The following CACNA2D1 variants were observed in gnomAD, a reference collection of about 807,000 sequenced individuals.
CACNA2D1 encodes the protein voltage-dependent calcium channel subunit alpha-2/delta-1.
A neutral mutation model predicts 171.5 loss-of-function variants in CACNA2D1; 53 were observed. The observed-to-expected ratio is 0.31, with a 90% CI of 0.25 to 0.39. The LOEUF (loss-of-function observed/expected upper bound fraction) is 0.39, where lower values mean the gene tolerates loss of function less well. Ranked by LOEUF, CACNA2D1 falls within the 10% of genes least tolerant of loss-of-function variation. The pLI is 1.00. For synonymous variants in CACNA2D1, 442 were observed against 443.1 expected, an observed-to-expected ratio of 1.00 and a Z score of 0.03; for missense variants, 903 against 1,299.8, an observed-to-expected ratio of 0.69 and a Z score of 4.69.
chr7:82,171,823 G>A (rs963536796), intron 3 of CACNA2D1, among the ~76,000 whole-genome samples: 2 of 152,028 alleles, frequency 1.3e-5, no homozygotes, highest in African/African-American at 4.8e-5. Flanking sequence ...TATCAGGTTA[G>A]GTTTAAAAAA....
chr7:82,063,391 G>T (rs759979819), intron 9 of CACNA2D1, among the ~76,000 whole-genome samples: 2 of 151,998 alleles, frequency 1.3e-5, no homozygotes, highest in Non-Finnish European at 2.9e-5. Context: ...TACATTTGTT[G>T]AATTCATTTA....
At chr7:81,977,260 AGG>A (rs1229840831) in intron 24 of CACNA2D1, among the ~76,000 whole-genome samples, 1 of 152,120 alleles carries the variant, frequency 6.6e-6, no homozygotes, top group South Asian at 2.1e-4. Context: ...TTTAGCATGA[AGG>A]GGTGCTGAAT....
intron 6 of CACNA2D1, among the ~76,000 whole-genome samples, chr7:82,091,020 C>G (rs1369634624): frequency 6.6e-6 from 1 of 152,096 alleles, no homozygotes; most frequent in South Asian, 2.1e-4. Context: ...TTCACCAACC[C>G]TAATCTCTGA....
At position 81,964,125 on chromosome 7, in the gene CACNA2D1, TAAG is replaced by T. The variant is rs1274551139; in HGVS notation, c.2728-20_2728-18del. On this transcript the variant is annotated intron_variant, in intron 33 of 38. Coordinates refer to ENST00000356860, the MANE Select transcript of CACNA2D1 (RefSeq NM_000722.4). Reference sequence around the variant, plus strand: ...TACTGATGGCTATAAAATAAAATAATAAGGTCATTTCAGTAGTCTACTTGATAC... The same window carrying T: ...TACTGATGGCTATAAAATAAAATAATGTCATTTCAGTAGTCTACTTGATAC... 1.2e-6 allele frequency: 2 copies of T among 1,611,984 alleles called. No homozygotes were observed. The highest frequency in any genetic ancestry group is 1.7e-5 in the Admixed American group (1 of 59,790).
chr7:82,407,502 G>C (rs1827185186), intron 1 of CACNA2D1, among the ~76,000 whole-genome samples: 1 of 152,042 alleles, frequency 6.6e-6, no homozygotes, highest in African/African-American at 2.4e-5. Context: ...AGCAATGCTT[G>C]CTAAAATTTT....
At chr7:82,229,286 C>T (rs1395772173) in intron 3 of CACNA2D1, among the ~76,000 whole-genome samples, 2 of 152,044 alleles carry the variant, frequency 1.3e-5, no homozygotes, top group African/African-American at 4.8e-5. Flanking sequence ...AAACGCAAGG[C>T]CCTTTCAGAG....
At chr7:82,185,010 G>T (rs28431135) in intron 3 of CACNA2D1, among the ~76,000 whole-genome samples, 3,365 of 152,196 alleles carry the variant, frequency 0.022, 96 homozygotes, top group African/African-American at 0.071. Context: ...GGACCAGCTG[G>T]AATTTAAATA....
intron 5 of CACNA2D1, among the ~76,000 whole-genome samples, chr7:82,126,277 G>A (rs1790323859): frequency 6.6e-6 from 1 of 152,108 alleles, no homozygotes; most frequent in African/African-American, 2.4e-5. Context: ...AAGGCATACA[G>A]CAATTGTACA....
chr7:82,007,104 T>C (rs1204869426), intron 16 of CACNA2D1, among the ~76,000 whole-genome samples: 1 of 152,140 alleles, frequency 6.6e-6, no homozygotes, highest in East Asian at 1.9e-4. Context: ...AACTTTTAAA[T>C]AGGCATTTTA....
At chr7:82,128,009 G>A (rs1029573) in intron 5 of CACNA2D1, among the ~76,000 whole-genome samples, 26,122 of 151,866 alleles carry the variant, frequency 0.17, 2,560 homozygotes, top group East Asian at 0.34. Flanking sequence ...CTGCAGCCCC[G>A]ACCTACTGGG....
intron 12 of CACNA2D1, among the ~76,000 whole-genome samples, chr7:82,030,750 A>G (rs1802589916): frequency 6.6e-6 from 1 of 151,928 alleles, no homozygotes; most frequent in African/African-American, 2.4e-5. Context: ...AAAATAGTAT[A>G]CTTAAAATTA....
chr7:82,081,889 C>T (rs1283188755), intron 7 of CACNA2D1, among the ~76,000 whole-genome samples: 2 of 148,548 alleles, frequency 1.3e-5, no homozygotes, highest in Non-Finnish European at 2.9e-5. Flanking sequence ...AGGCTCCGGT[C>T]CGCCATTCCA....
intron 1 of CACNA2D1, among the ~76,000 whole-genome samples, chr7:82,432,256 G>C (rs1018741748): frequency 2.6e-5 from 4 of 152,100 alleles, no homozygotes; most frequent in Non-Finnish European, 5.9e-5. Context: ...GAAATAAATA[G>C]CCCACCCTAA....
intron 6 of CACNA2D1, among the ~76,000 whole-genome samples, chr7:82,093,586 G>A (rs933483163): frequency 1.3e-5 from 2 of 151,912 alleles, no homozygotes; most frequent in African/African-American, 2.4e-5. Flanking sequence ...CATTTCAATT[G>A]CTATAAGACA....
intron 7 of CACNA2D1, 127 bp from the exon 8 acceptor site, chr7:82,066,651 G>A (rs1807664967): frequency 7.4e-7 from 1 of 1,358,526 alleles, no homozygotes; most frequent in Non-Finnish European, 9.8e-7. Context: ...ATGTTCAAAT[G>A]AGAGATATCA....
intron 20 of CACNA2D1, among the ~76,000 whole-genome samples, chr7:81,992,657 AG>A (rs1218384844): frequency 6.6e-6 from 1 of 152,246 alleles, no homozygotes; most frequent in African/African-American, 2.4e-5. Flanking sequence ...TTTCAATATC[AG>A]TAGCAGAAAT....
At chr7:82,443,108 G>C (rs1368044058) in intron 1 of CACNA2D1, among the ~76,000 whole-genome samples, 1 of 152,140 alleles carries the variant, frequency 6.6e-6, no homozygotes, top group Non-Finnish European at 1.5e-5. Context: ...GCCGCGAGTC[G>C]TCGGCGGGCG....
At chr7:82,281,092 C>T (rs1486425519) in intron 3 of CACNA2D1, among the ~76,000 whole-genome samples, 1 of 152,146 alleles carries the variant, frequency 6.6e-6, no homozygotes, top group African/African-American at 2.4e-5. Context: ...GACTGACCAC[C>T]TCCACATCAG....
intron 5 of CACNA2D1, among the ~76,000 whole-genome samples, chr7:82,124,393 T>C (rs553323031): frequency 6.6e-6 from 1 of 152,276 alleles, no homozygotes; most frequent in Non-Finnish European, 1.5e-5. Flanking sequence ...CCAATCAGAC[T>C]GGTCACAGTC....
Sources: gnomAD v4.1 joint callset for allele counts (sites outside exome capture counted in the v4.1 genomes callset) on GRCh38, gnomAD v4.1.1 for gene constraint, MANE v1.5 for transcripts, NCBI Gene and HGNC (gene_info 2026-07-23, HGNC 2026-07-21) for gene names.